The following GC variants were observed in gnomAD, a reference collection of about 807,000 sequenced individuals.
The protein encoded by GC is GC vitamin D binding protein, also known as vitamin D-binding protein.
In GC, 43 loss-of-function variants were observed where a neutral mutation model predicts 56.7. The observed-to-expected ratio is 0.76, with a 90% CI of 0.59 to 0.98. The LOEUF (loss-of-function observed/expected upper bound fraction) is 0.98, where lower values mean the gene tolerates loss of function less well. Ranked by LOEUF, GC falls within the 50% of genes least tolerant of loss-of-function variation. The pLI, the probability that GC is intolerant of heterozygous loss-of-function variation, is 0.00. For synonymous variants in GC, 216 were observed against 202.7 expected, an observed-to-expected ratio of 1.07 and a Z score of -0.56; for missense variants, 529 against 545.9, an observed-to-expected ratio of 0.97 and a Z score of 0.31.
intron 1 of GC, among the ~76,000 whole-genome samples, chr4:71,782,601 C>G (rs1234918612): frequency 6.6e-6 from 1 of 151,726 alleles, no homozygotes; most frequent in Non-Finnish European, 1.5e-5. Context: ...CTGTTATTCT[C>G]CAAAGGACAC....
upstream of GC, among the ~76,000 whole-genome samples, chr4:71,804,566 C>T (rs1436722530): frequency 6.6e-6 from 1 of 151,760 alleles, no homozygotes; most frequent in Non-Finnish European, 1.5e-5. Flanking sequence ...TATTGACTGG[C>T]CTCCAAAGTT....
At chr4:71,761,827 A>T (rs1444856688) in intron 6 of GC, among the ~76,000 whole-genome samples, 1 of 152,164 alleles carries the variant, frequency 6.6e-6, no homozygotes, top group East Asian at 1.9e-4. Flanking sequence ...GAAGTCAAGA[A>T]TTGGGTTTTG....
chr4:71,766,261 TGTTTCA>T (rs1742154653), intron 3 of GC, among the ~76,000 whole-genome samples: 1 of 152,224 alleles, frequency 6.6e-6, no homozygotes, highest in African/African-American at 2.4e-5. Flanking sequence ...ACAGAAATTC[TGTTTCA>T]GTAGGTCAAA....
intron 6 of GC, among the ~76,000 whole-genome samples, chr4:71,761,038 T>C (rs1268159681): frequency 6.6e-6 from 1 of 152,144 alleles, no homozygotes; most frequent in Non-Finnish European, 1.5e-5. Context: ...TGGAAGTGAC[T>C]TTGGAACTGG....
At position 71,768,437 on chromosome 4, in the gene GC, AG is replaced by A. The variant is rs1332684438; in HGVS notation, c.129-5del. 2 of 1,598,418 alleles carry A rather than the reference AG, an allele frequency of 1.3e-6. No individual in the cohort carries two copies. The highest frequency in any genetic ancestry group is 4.5e-5 in the East Asian group (2 of 44,568). ...TCTACTGTACAGGACTAGTGACCTG[AG>A]GGGAAAATAAGACAATATATCAATT... On this transcript the variant is annotated splice_region_variant and splice_polypyrimidine_tract_variant and intron_variant, in intron 2 of 12. Transcript: ENST00000273951.
chr4:71,745,774 C>T (rs1245361261), intron 12 of GC, among the ~76,000 whole-genome samples: 2 of 152,062 alleles, frequency 1.3e-5, no homozygotes, highest in Admixed American at 6.5e-5. Flanking sequence ...TGTCCCTTTC[C>T]TCCTAAGGTC....
intron 11 of GC, among the ~76,000 whole-genome samples, chr4:71,752,315 C>A (rs1741581678): frequency 6.6e-6 from 1 of 152,190 alleles, no homozygotes; most frequent in Non-Finnish European, 1.5e-5. Context: ...AGTTTTACAA[C>A]TACCTCAACT....
chr4:71,747,160 A>G (rs575345515), intron 11 of GC, among the ~76,000 whole-genome samples: 6 of 152,316 alleles, frequency 3.9e-5, no homozygotes, highest in African/African-American at 1.2e-4. Context: ...CTCAAAAAAC[A>G]TAAGAGCAGT....
intron 1 of GC, among the ~76,000 whole-genome samples, chr4:71,776,276 A>C (rs1742505309): frequency 6.6e-6 from 1 of 151,928 alleles, no homozygotes; most frequent in Non-Finnish European, 1.5e-5. Flanking sequence ...AGATTAATGG[A>C]TAAAGAAAAT....
chr4:71,803,828 G>T, intron 1 of GC: 1 of 731,470 alleles, frequency 1.4e-6, no homozygotes, highest in Non-Finnish European at 2.4e-6. Context: ...AATCCTCTGT[G>T]TTGGTAGTCA....
intron 1 of GC, among the ~76,000 whole-genome samples, chr4:71,771,965 G>T (rs981437320): frequency 2.0e-4 from 31 of 152,272 alleles, no homozygotes; most frequent in African/African-American, 7.5e-4. Context: ...TTACATGGCA[G>T]TAGATTCTAG....
At position 71,782,067 on chromosome 4, in the gene GC, A is replaced by C. The variant is rs377100042; in HGVS notation, c.58+1894T>G. On this transcript the variant is annotated intron_variant, in intron 1 of 12. Transcript: ENST00000273951. ...ATGAATTGTGAAACCACCAAGAAGGAATAAATTATGGCTCATTTCTTAAAT... is the reference window on the plus strand; with the variant it reads ...ATGAATTGTGAAACCACCAAGAAGGCATAAATTATGGCTCATTTCTTAAAT... 1.4e-3 allele frequency among the ~76,000 whole-genome samples: 206 copies of C among 151,866 alleles called. 1 individual carries two copies. Among genetic ancestry groups the C allele is most frequent in the African/African-American group, 4.6e-3 (190 of 41,498 alleles).
chr4:71,756,197 G>A (rs1741764080), intron 8 of GC, among the ~76,000 whole-genome samples: 1 of 152,090 alleles, frequency 6.6e-6, no homozygotes, highest in South Asian at 2.1e-4. Flanking sequence ...TTTGATTTGT[G>A]ACTTTGAACC....
At chr4:71,772,276 T>C (rs889851869) in intron 1 of GC, among the ~76,000 whole-genome samples, 2 of 152,128 alleles carry the variant, frequency 1.3e-5, no homozygotes, top group Non-Finnish European at 2.9e-5. Flanking sequence ...TTATAATAAA[T>C]AGGAGCTAAG....
chr4:71,748,683 G>A (rs982528051), intron 11 of GC, among the ~76,000 whole-genome samples: 2 of 152,074 alleles, frequency 1.3e-5, no homozygotes, highest in Non-Finnish European at 2.9e-5. Flanking sequence ...TTCTAAGAGT[G>A]CCATGGTAAA....
At chr4:71,799,587 C>A (rs1743199418) in intron 1 of GC, among the ~76,000 whole-genome samples, 1 of 152,152 alleles carries the variant, frequency 6.6e-6, no homozygotes, top group South Asian at 2.1e-4. Flanking sequence ...TGATGGCTTC[C>A]CCCTCCACTG....
intron 10 of GC, among the ~76,000 whole-genome samples, chr4:71,753,309 G>A (rs1335768394): frequency 3.3e-5 from 5 of 152,078 alleles, no homozygotes; most frequent in Non-Finnish European, 7.4e-5. Context: ...AGCCCAGCGG[G>A]GGGCAATGGG....
At position 71,793,059 on chromosome 4, in the gene GC, T is replaced by C. The variant is rs563000296; in HGVS notation, c.22-9005A>G. Among the ~76,000 whole-genome samples the C allele has an allele frequency of 2.8e-4, 43 of 152,214 alleles. 1 individual carries two copies. Among genetic ancestry groups the C allele is most frequent in the Non-Finnish European group, 4.7e-4 (32 of 68,032 alleles). On this transcript the variant is annotated intron_variant, in intron 1 of 13. Coordinates refer to the GC transcript ENST00000504199. ...ACGGGTACCATGCTGTTTTGGTTAC[T>C]GTAGCCTTGTAGCATAGTTTGAAGT...
intron 11 of GC, among the ~76,000 whole-genome samples, chr4:71,746,772 TA>T (rs34865299): frequency 0.22 from 22,183 of 100,266 alleles, 2,162 homozygotes; most frequent in South Asian, 0.29. Flanking sequence ...CTCTATTTTG[TA>T]AAAAAAAAAA....
Sources: allele counts gnomAD v4.1 joint callset (sites outside exome capture counted in the v4.1 genomes callset), GRCh38; gene constraint gnomAD v4.1.1; transcripts MANE v1.5; gene names NCBI Gene and HGNC (gene_info 2026-07-23, HGNC 2026-07-21).